Variants in CDH7 observed in about 807,000 individuals in gnomAD.
CDH7 encodes cadherin-7.
Under a neutral mutation model 71.8 loss-of-function variants are expected in CDH7, and 25 were observed. The observed-to-expected ratio is 0.35, with a 90% CI of 0.25 to 0.49. The LOEUF (loss-of-function observed/expected upper bound fraction) is 0.49, where lower values mean the gene tolerates loss of function less well. Among genes scored for constraint, CDH7 ranks in the 20% least tolerant of loss-of-function variants. CDH7 has a pLI of 0.99. For synonymous variants in CDH7, 381 were observed against 363.8 expected, an observed-to-expected ratio of 1.05 and a Z score of -0.54; for missense variants, 862 against 974.6, an observed-to-expected ratio of 0.88 and a Z score of 1.54.
intron 2 of CDH7, among the ~76,000 whole-genome samples, chr18:65,804,318 G>A (rs1911234061): frequency 2.6e-5 from 4 of 151,996 alleles, no homozygotes; most frequent in South Asian, 2.1e-4. Context: ...CCATTTTACA[G>A]GGCTAAGCTT....
At chr18:65,861,064 C>T (rs1422682379) in intron 10 of CDH7, among the ~76,000 whole-genome samples, 1 of 152,026 alleles carries the variant, frequency 6.6e-6, no homozygotes, top group East Asian at 1.9e-4. Flanking sequence ...GAGTATATCC[C>T]CCATGTGTCA....
At chr18:65,869,078 T>C (rs1361535124) in intron 11 of CDH7, among the ~76,000 whole-genome samples, 1 of 152,132 alleles carries the variant, frequency 6.6e-6, no homozygotes, top group Admixed American at 6.5e-5. Flanking sequence ...CTTATATGTT[T>C]TTCTGAGTGG....
At chr18:65,836,087 G>A (rs1339165368) in intron 6 of CDH7, among the ~76,000 whole-genome samples, 1 of 152,100 alleles carries the variant, frequency 6.6e-6, no homozygotes, top group Non-Finnish European at 1.5e-5. Context: ...TGCAGCTTTT[G>A]GACACTGGAA....
chr18:65,787,196 T>A (rs111890431), intron 2 of CDH7, among the ~76,000 whole-genome samples: 2,006 of 152,312 alleles, frequency 0.013, 59 homozygotes, highest in African/African-American at 0.046. Flanking sequence ...TTCATATATA[T>A]GTAGAAAGAG....
rs1555689504 is a variant in CDH7, at chr18:65,853,926, T to TATATATATCC, written c.1236-3882_1236-3881insCCATATATAT. On this transcript the variant is annotated intron_variant, in intron 7 of 11. Transcript: ENST00000397968. ...ATTACCATATATATATATATATATA[T>TATATATATCC]ATATATATATATATATATATATATA... Among the ~76,000 whole-genome samples the TATATATATCC allele has an allele frequency of 1.3e-3, 119 of 95,038 alleles. 1 individual carries two copies. Among genetic ancestry groups the TATATATATCC allele is most frequent in the African/African-American group, 4.2e-3 (105 of 24,792 alleles). 62.3% of individuals were successfully genotyped at this position (95,038 alleles called of 152,430 possible). A position where few individuals can be genotyped will look rare whatever the true frequency, so the allele number is the denominator to read the frequency against.
chr18:65,831,542 A>C (rs1308629990), intron 6 of CDH7, among the ~76,000 whole-genome samples: 1 of 152,180 alleles, frequency 6.6e-6, no homozygotes, highest in Admixed American at 6.5e-5. Flanking sequence ...CCTCAGTCTG[A>C]ACTAACAGTT....
chr18:65,778,958 C>G (rs1321033498), intron 2 of CDH7, among the ~76,000 whole-genome samples: 2 of 151,938 alleles, frequency 1.3e-5, no homozygotes, highest in African/African-American at 2.4e-5. Context: ...CATGCCTGTC[C>G]TTTGCAGGAT....
At chr18:65,772,354 A>G (rs902873133) in intron 2 of CDH7, among the ~76,000 whole-genome samples, 5 of 152,200 alleles carry the variant, frequency 3.3e-5, no homozygotes, top group Admixed American at 2.6e-4. Context: ...TCTTTCCCAT[A>G]AAATATCTGA....
chr18:65,814,038 ATCT>A (rs923942487), intron 3 of CDH7, among the ~76,000 whole-genome samples: 2 of 152,128 alleles, frequency 1.3e-5, no homozygotes, highest in Non-Finnish European at 2.9e-5. Context: ...TTCTATCTGG[ATCT>A]TCTTAACTAT....
At chr18:65,754,139 A>G (rs970968674) in intron 1 of CDH7, among the ~76,000 whole-genome samples, 3 of 152,202 alleles carry the variant, frequency 2.0e-5, no homozygotes, top group African/African-American at 4.8e-5. Context: ...TTACTTTTTA[A>G]TTTACGAATG....
chr18:65,788,024 G>GA (rs1217556949), intron 2 of CDH7, among the ~76,000 whole-genome samples: 1 of 152,038 alleles, frequency 6.6e-6, no homozygotes, highest in African/African-American at 2.4e-5. Context: ...TAGGCAAAGA[G>GA]AAAAAACATA....
At chr18:65,806,100 A>C (rs1444470015) in intron 2 of CDH7, among the ~76,000 whole-genome samples, 1 of 152,142 alleles carries the variant, frequency 6.6e-6, no homozygotes, top group Non-Finnish European at 1.5e-5. Context: ...GATACATGTA[A>C]AATGTGATTT....
At chr18:65,834,057 C>T (rs145979356) in intron 6 of CDH7, among the ~76,000 whole-genome samples, 7 of 151,980 alleles carry the variant, frequency 4.6e-5, no homozygotes, top group African/African-American at 1.4e-4. Flanking sequence ...CCTCCCACGG[C>T]GTGTTGATTC....
In CDH7 at chr18:65,842,318, T is replaced by G. The variant is rs1034142406; in HGVS notation, c.982-1494T>G. The stretch of plus-strand genomic sequence containing the variant: ...TCAAATCTAGTGGCTAAGAGAGATA[T>G]TAAATAAGCATTTTAGTAAGTCCTG... On this transcript the variant is annotated intron_variant, in intron 6 of 11. Transcript: ENST00000397968. Among the ~76,000 whole-genome samples, 4 of 152,084 alleles carry G rather than the reference T, an allele frequency of 2.6e-5. No homozygotes were observed. The South Asian group carries it at 8.3e-4, about 31-fold the overall frequency.
Position 65,883,663 on chromosome 18 carries a change from A to C in CDH7, c.*2769A>C, listed in dbSNP as rs540110545. The C allele has an allele frequency of 6.6e-6, 1 of 152,118 alleles. No homozygotes were observed. The highest frequency in any genetic ancestry group is 2.1e-4 in the South Asian group (1 of 4,834). 9.4% of individuals were successfully genotyped at this position (152,118 alleles called of 1,614,324 possible). The stretch of plus-strand genomic sequence containing the variant: ...CAGCCTTGGTGGGATTATTTAGACC[A>C]CAACAGTAATCAGCAAACACTACCC... On this transcript the variant is annotated 3_prime_UTR_variant, in exon 12 of 12. Transcript: ENST00000397968.
chr18:65,865,145 T>C (rs1421859486), intron 11 of CDH7: 1 of 152,184 alleles, frequency 6.6e-6, no homozygotes, highest in Non-Finnish European at 1.5e-5. Context: ...TTCACTTTAG[T>C]AAACACTTTC....
At chr18:65,794,755 T>A (rs936738446) in intron 2 of CDH7, among the ~76,000 whole-genome samples, 2 of 151,858 alleles carry the variant, frequency 1.3e-5, no homozygotes, top group East Asian at 3.9e-4. Context: ...CAGGGCGGTG[T>A]GGGGGGTGAG....
chr18:65,786,208 C>CT (rs1198256277), intron 2 of CDH7, among the ~76,000 whole-genome samples: 4 of 150,794 alleles, frequency 2.7e-5, no homozygotes, highest in African/African-American at 7.3e-5. Context: ...TGAGAAAGTA[C>CT]TTTTTTTTTC....
chr18:65,825,966 G>T (rs1459442723), intron 6 of CDH7, among the ~76,000 whole-genome samples: 1 of 151,534 alleles, frequency 6.6e-6, no homozygotes, highest in African/African-American at 2.4e-5. Flanking sequence ...TCACATTCAA[G>T]AATTTTTAAT....
Sources: gnomAD v4.1 joint callset for allele counts (sites outside exome capture counted in the v4.1 genomes callset) on GRCh38, gnomAD v4.1.1 for gene constraint, MANE v1.5 for transcripts, NCBI Gene and HGNC (gene_info 2026-07-23, HGNC 2026-07-21) for gene names.